The following WDR35 variants were observed in gnomAD, a reference collection of about 807,000 sequenced individuals.
WDR35 encodes the protein WD repeat-containing protein 35.
In WDR35, 118 loss-of-function variants were observed where a neutral mutation model predicts 158.3. The observed-to-expected ratio is 0.75, with a 90% CI of 0.64 to 0.87. WDR35 has a LOEUF of 0.87. Among genes scored for constraint, WDR35 ranks in the 40% least tolerant of loss-of-function variants. WDR35 has a pLI of 0.00. For missense variants in WDR35, 1,263 were observed against 1,405.8 expected (o/e 0.90, Z 1.62); for synonymous variants, 448 against 476.1 (o/e 0.94, Z 0.77).
intron 3 of WDR35, 121 bp downstream of exon 3, chr2:19,982,342 A>C (rs1672407226): frequency 4.1e-6 from 4 of 972,544 alleles, no homozygotes; most frequent in Non-Finnish European, 6.3e-6. Context: ...CGTAACTCAA[A>C]GAGCATCTGT....
At position 19,914,259 on chromosome 2, in the gene WDR35, T is replaced by A. The variant is rs1558318368; in HGVS notation, c.3140A>T (p.Tyr1047Phe). Residue 1047 changes from tyrosine (Y) to phenylalanine (F), a missense_variant, in exon 26 of 27, where the codon TAT (tyrosine) becomes TTT (phenylalanine). Coordinates refer to ENST00000281405, the MANE Select transcript of WDR35 (RefSeq NM_020779.4). The part of the protein sequence containing the change: ...ALKTALHLKD[Y>F]EDIIPPVEIY... ...CTCCACAGGAGGGATGATGTCTTCA[T>A]AGTCTTTCAGGTGAAGAGCTAAGAA... 2.5e-6 allele frequency: 4 copies of A among 1,613,934 alleles called. No individual in the cohort carries two copies. Among genetic ancestry groups the A allele is most frequent in the Non-Finnish European group, 2.5e-6 (3 of 1,179,926 alleles).
chr2:19,913,949 G>A (rs973435853), intron 26 of WDR35, 88 bp downstream of exon 26: 2 of 1,578,464 alleles, frequency 1.3e-6, no homozygotes, highest in African/African-American at 1.4e-5. Flanking sequence ...AAAATTCAGT[G>A]CTTTAATTCC....
At chr2:19,941,045 A>C (rs1670855918) in intron 17 of WDR35, among the ~76,000 whole-genome samples, 1 of 152,220 alleles carries the variant, frequency 6.6e-6, no homozygotes, top group Non-Finnish European at 1.5e-5. Context: ...TATGATTTAC[A>C]TATCAAACCC....
At position 19,910,787 on chromosome 2, in the gene WDR35, T is replaced by C. The variant is rs1669807876; in HGVS notation, c.*2771A>G. 1 of 152,088 alleles carries C rather than the reference T, an allele frequency of 6.6e-6. No individual in the cohort carries two copies. Among genetic ancestry groups the C allele is most frequent in the Non-Finnish European group, 1.5e-5 (1 of 67,978 alleles). The allele number at this position is 152,088 out of a possible 1,614,324, so 9.4% of individuals were successfully genotyped here. ...GAATAAAACCAACTAGATTGACTCA[T>C]AATATAGGTGTTTTCTCTAGTACCA... On this transcript the variant is annotated 3_prime_UTR_variant, in exon 27 of 27. Coordinates refer to ENST00000281405, the MANE Select transcript of WDR35 (RefSeq NM_020779.4).
In WDR35 at chr2:19,969,361, A is replaced by G. The variant is rs1462226687; in HGVS notation, c.1008+119T>C. The G allele has an allele frequency of 4.5e-6, 5 of 1,103,046 alleles. No homozygotes were observed. In the African/African-American group the frequency reaches 7.9e-5, roughly 18 times the overall value. 68.3% of individuals were successfully genotyped at this position (1,103,046 alleles called of 1,614,324 possible). On this transcript the variant is annotated intron_variant, in intron 9 of 26. Coordinates refer to ENST00000281405, the MANE Select transcript of WDR35 (RefSeq NM_020779.4). Reference sequence around the variant, plus strand: ...AGTTTACTAGTTCTAAAATCTTCACACAAAAAGGCTTCCTTTCTGCTAGCT... The same window carrying G: ...AGTTTACTAGTTCTAAAATCTTCACGCAAAAAGGCTTCCTTTCTGCTAGCT...
chr2:19,976,833 T>C (rs1455350982), intron 5 of WDR35, among the ~76,000 whole-genome samples: 1 of 151,966 alleles, frequency 6.6e-6, no homozygotes, highest in Non-Finnish European at 1.5e-5. Flanking sequence ...TTTTTTTTTT[T>C]TCCTGAGACA....
intron 17 of WDR35, among the ~76,000 whole-genome samples, chr2:19,940,189 CAAA>C (rs1197342596): frequency 2.5e-5 from 2 of 80,244 alleles, no homozygotes; most frequent in Non-Finnish European, 2.7e-5. Context: ...CCCATCTCTA[CAAA>C]AAAAAAAAAA....
chr2:19,981,586 T>TGGCTCACTGCAGCCTCCA (rs1672383790), intron 3 of WDR35, among the ~76,000 whole-genome samples: 2 of 152,164 alleles, frequency 1.3e-5, no homozygotes. Flanking sequence ...GGCACAATCA[T>TGGCTCACTGCAGCCTCCA]GGCTCACTGC....
chr2:19,951,711 A>T, intron 12 of WDR35: 1 of 393,440 alleles, frequency 2.5e-6, no homozygotes, highest in Non-Finnish European at 4.5e-6. Context: ...TGTACCAAAA[A>T]CATATCTGAA....
In WDR35 at chr2:19,912,966, A is replaced by G. The variant is rs1166477278; in HGVS notation, c.*592T>C. On this transcript the variant is annotated 3_prime_UTR_variant, in exon 27 of 27. Coordinates refer to ENST00000281405, the MANE Select transcript of WDR35 (RefSeq NM_020779.4). Reference sequence around the variant, plus strand: ...ATCTCTTAAATGAGACTAAAAGGACAGGTTTTAAAATAGAAGAATAGGGCT... The same window carrying G: ...ATCTCTTAAATGAGACTAAAAGGACGGGTTTTAAAATAGAAGAATAGGGCT... The G allele has an allele frequency of 6.6e-6, 1 of 152,294 alleles. No homozygotes were observed. Among genetic ancestry groups the G allele is most frequent in the East Asian group, 1.9e-4 (1 of 5,208 alleles). The allele number at this position is 152,294 out of a possible 1,614,324, so 9.4% of individuals were successfully genotyped here.
At chr2:19,969,369 G>C in intron 9 of WDR35, 111 bp downstream of exon 9, 2 of 1,162,066 alleles carry the variant, frequency 1.7e-6, no homozygotes, top group Non-Finnish European at 2.4e-6. Context: ...ACACAAAAAG[G>C]CTTCCTTTCT....
At chr2:19,967,909 G>C (rs888967686) in intron 9 of WDR35, among the ~76,000 whole-genome samples, 7 of 152,074 alleles carry the variant, frequency 4.6e-5, no homozygotes, top group African/African-American at 1.4e-4. Context: ...ACTTTATTTA[G>C]ATTTCATTAT....
chr2:19,945,477 TTTC>T (rs1226397823), intron 16 of WDR35, among the ~76,000 whole-genome samples: 3 of 152,236 alleles, frequency 2.0e-5, no homozygotes, highest in African/African-American at 7.2e-5. Context: ...CTGATTTTGT[TTTC>T]TTAAGTTTGA....
chr2:19,935,317 A>G, intron 21 of WDR35, 154 bp downstream of exon 21: 2 of 747,390 alleles, frequency 2.7e-6, no homozygotes, highest in Non-Finnish European at 4.0e-6. Flanking sequence ...TTATTTATAT[A>G]TTACTTTATA....
intron 12 of WDR35, among the ~76,000 whole-genome samples, chr2:19,952,459 C>T (rs1671269940): frequency 1.3e-5 from 2 of 152,256 alleles, no homozygotes; most frequent in African/African-American, 4.8e-5. Flanking sequence ...GTACACATAT[C>T]CCAGACAGAA....
intron 2 of WDR35, among the ~76,000 whole-genome samples, chr2:19,984,766 A>G (rs910035631): frequency 2.6e-5 from 4 of 152,372 alleles, no homozygotes; most frequent in East Asian, 3.9e-4. Context: ...GTGACTGCCA[A>G]TGCTTTTGTT....
At chr2:19,927,465 C>A (rs1297363157) in intron 25 of WDR35, among the ~76,000 whole-genome samples, 1 of 152,048 alleles carries the variant, frequency 6.6e-6, no homozygotes, top group East Asian at 1.9e-4. Flanking sequence ...GTGTGCCATG[C>A]CATACTTATG....
chr2:19,987,892 A>T (rs1331812399), intron 2 of WDR35, among the ~76,000 whole-genome samples: 1 of 151,450 alleles, frequency 6.6e-6, no homozygotes, highest in Non-Finnish European at 1.5e-5. Context: ...AGACACACAT[A>T]TATATATATA....
chr2:19,953,882 G>A lies in WDR35; in HGVS notation c.1352C>T (p.Ala451Val), dbSNP rs1216069891. 6.2e-7 allele frequency: 1 copy of A among 1,614,094 alleles called. No homozygotes were observed. Among genetic ancestry groups the A allele is most frequent in the Admixed American group, 1.7e-5 (1 of 60,028 alleles). Residue 451 changes from alanine (A) to valine (V), a missense_variant, in exon 12 of 27, where the codon GCA becomes GTA. By Grantham distance (64) the Ala-to-Val change is moderately conservative. Transcript: ENST00000281405. ...WQYRVAKKLT[A>V]LEINQITRSR... is the part of the protein sequence containing the mutation. Reference sequence around the variant, plus strand: ...CCGTGTGATCTGATTAATTTCCAATGCTGTGAGCTTCTTTGCCACACGATA... The same window carrying A: ...CCGTGTGATCTGATTAATTTCCAATACTGTGAGCTTCTTTGCCACACGATA...
Sources: gnomAD v4.1 joint callset for allele counts (sites outside exome capture counted in the v4.1 genomes callset) on GRCh38, gnomAD v4.1.1 for gene constraint, MANE v1.5 for transcripts, NCBI Gene and HGNC (gene_info 2026-07-23, HGNC 2026-07-21) for gene names.